PTPRD: variants seen among roughly 807,000 people sequenced by gnomAD.
PTPRD encodes protein tyrosine phosphatase receptor type D, also known as receptor-type tyrosine-protein phosphatase delta.
In PTPRD, 34 loss-of-function variants were observed where a neutral mutation model predicts 214.5. That is an observed-to-expected ratio of 0.16 (90% confidence interval 0.12 to 0.21). PTPRD has a LOEUF of 0.21. Ranked by LOEUF, PTPRD falls within the 10% of genes least tolerant of loss-of-function variation. The pLI, the probability that PTPRD is intolerant of heterozygous loss-of-function variation, is 1.00. For synonymous variants in PTPRD, 1,128 were observed against 845.7 expected (o/e 1.33, Z -5.79); for missense variants, 2,545 against 2,398.7 (o/e 1.06, Z -1.27).
chr9:10,183,873 A>G (rs180883886), intron 3 of PTPRD, among the ~76,000 whole-genome samples: 1 of 152,352 alleles, frequency 6.6e-6, no homozygotes, highest in Admixed American at 6.5e-5. Context: ...ACCACAAAGG[A>G]GAGATAACTA....
chr9:8,537,362 T>C (rs1452703686), intron 14 of PTPRD, among the ~76,000 whole-genome samples: 3 of 151,978 alleles, frequency 2.0e-5, no homozygotes, highest in South Asian at 4.1e-4. Flanking sequence ...TGACAGTTAA[T>C]ACATGACATT....
At chr9:8,506,277 G>A (rs1416830385) in intron 22 of PTPRD, among the ~76,000 whole-genome samples, 1 of 151,964 alleles carries the variant, frequency 6.6e-6, no homozygotes. Flanking sequence ...ATGCTAAGAG[G>A]CATAATAAAA....
chr9:10,350,048 A>G (rs925661576), intron 2 of PTPRD, among the ~76,000 whole-genome samples: 4 of 152,224 alleles, frequency 2.6e-5, no homozygotes, highest in African/African-American at 2.4e-5. Flanking sequence ...GGAGGACAAT[A>G]TAAGTTCACA....
intron 3 of PTPRD, among the ~76,000 whole-genome samples, chr9:10,183,011 T>A (rs902596444): frequency 2.0e-5 from 3 of 152,172 alleles, no homozygotes; most frequent in Admixed American, 6.6e-5. Context: ...AATCTCTTGC[T>A]GTCTACATTT....
chr9:9,129,141 G>C (rs978272086), intron 10 of PTPRD, among the ~76,000 whole-genome samples: 3 of 152,220 alleles, frequency 2.0e-5, no homozygotes, highest in Non-Finnish European at 2.9e-5. Flanking sequence ...TGTAATCCCA[G>C]CACTTTGGGA....
chr9:8,482,162 T>C (rs1387592361), intron 30 of PTPRD, among the ~76,000 whole-genome samples: 1 of 152,210 alleles, frequency 6.6e-6, no homozygotes, highest in Admixed American at 6.5e-5. Flanking sequence ...CACACAACGT[T>C]AAACTCATTT....
intron 3 of PTPRD, among the ~76,000 whole-genome samples, chr9:10,331,417 C>T (rs1324174842): frequency 6.6e-6 from 1 of 151,846 alleles, no homozygotes; most frequent in African/African-American, 2.4e-5. Flanking sequence ...TCTGAAAGCC[C>T]AGACACTGTG....
At position 10,550,425 on chromosome 9, in the gene PTPRD, A is replaced by G. The variant is rs1306130286; in HGVS notation, c.-600+61973T>C. On this transcript the variant is annotated intron_variant, in intron 2 of 45. Transcript: ENST00000381196. ...AGTTAGTCTAGGATTTAATTCCAGG[A>G]AACAGAAGTGAGGGAGTAGGGAAGG... 7.2e-5 allele frequency among the ~76,000 whole-genome samples: 11 copies of G among 152,188 alleles called. 1 individual carries two copies. The highest frequency in any genetic ancestry group is 2.4e-4 in the African/African-American group (10 of 41,442).
chr9:9,586,403 T>G (rs994242917), intron 7 of PTPRD, among the ~76,000 whole-genome samples: 1 of 152,020 alleles, frequency 6.6e-6, no homozygotes, highest in African/African-American at 2.4e-5. Flanking sequence ...TAGTCATAAG[T>G]ACGCAGTAAG....
At chr9:10,090,644 A>C (rs890401854) in intron 3 of PTPRD, among the ~76,000 whole-genome samples, 2 of 149,400 alleles carry the variant, frequency 1.3e-5, no homozygotes, top group Non-Finnish European at 3.0e-5. Context: ...AAAACCACCA[A>C]CTAAGAACCA....
chr9:8,732,472 T>A (rs2098670669), intron 12 of PTPRD, among the ~76,000 whole-genome samples: 2 of 152,148 alleles, frequency 1.3e-5, no homozygotes, highest in South Asian at 4.1e-4. Context: ...TAAATTTAGA[T>A]TACACCTTTA....
intron 9 of PTPRD, among the ~76,000 whole-genome samples, chr9:9,321,894 C>A (rs1210551742): frequency 6.6e-6 from 1 of 152,062 alleles, no homozygotes; most frequent in African/African-American, 2.4e-5. Flanking sequence ...TGGTAATAGA[C>A]CTAATTAACT....
intron 11 of PTPRD, among the ~76,000 whole-genome samples, chr9:9,007,407 A>T (rs957026215): frequency 4.6e-5 from 7 of 151,934 alleles, no homozygotes; most frequent in African/African-American, 7.2e-5. Flanking sequence ...ATAAAATCTA[A>T]GAGAAAAAAT....
intron 8 of PTPRD, among the ~76,000 whole-genome samples, chr9:9,534,338 C>T (rs1219354611): frequency 6.6e-6 from 1 of 152,044 alleles, no homozygotes; most frequent in African/African-American, 2.4e-5. Flanking sequence ...CAAAATTAGT[C>T]ATCCTCAATT....
In PTPRD at chr9:8,339,051, A is replaced by T; in HGVS notation, c.5254-4T>A. 1 of 1,609,930 alleles carries T rather than the reference A, an allele frequency of 6.2e-7. No individual in the cohort carries two copies. Among genetic ancestry groups the T allele is most frequent in the Non-Finnish European group, 8.5e-7 (1 of 1,177,296 alleles). On this transcript the variant is annotated splice_region_variant and splice_polypyrimidine_tract_variant and intron_variant, in intron 42 of 45. Transcript: ENST00000381196. Reference sequence around the variant, plus strand: ...GCCAGTATTGGTGACATTTCTCCTAAAAGGAGAGAAGATTAATGTTAAACT... The same window carrying T: ...GCCAGTATTGGTGACATTTCTCCTATAAGGAGAGAAGATTAATGTTAAACT...
At chr9:8,794,079 G>C (rs1599986762) in intron 11 of PTPRD, among the ~76,000 whole-genome samples, 2 of 152,286 alleles carry the variant, frequency 1.3e-5, no homozygotes, top group Admixed American at 6.5e-5. Flanking sequence ...GCAGCAGCCT[G>C]AATCAAAGAG....
intron 9 of PTPRD, among the ~76,000 whole-genome samples, chr9:9,353,120 C>G (rs1399076113): frequency 6.6e-6 from 1 of 151,930 alleles, no homozygotes; most frequent in Non-Finnish European, 1.5e-5. Context: ...GAAGTTCAGG[C>G]TCGGTCAAAA....
chr9:8,338,307 C>T (rs1316274979), intron 43 of PTPRD, among the ~76,000 whole-genome samples: 1 of 152,024 alleles, frequency 6.6e-6, no homozygotes, highest in African/African-American at 2.4e-5. Flanking sequence ...CAGGGCTGAA[C>T]CTTGGACTCA....
intron 2 of PTPRD, among the ~76,000 whole-genome samples, chr9:10,530,339 CTAAAATGATTATAATT>C (rs2055836854): frequency 6.6e-6 from 1 of 151,958 alleles, no homozygotes; most frequent in African/African-American, 2.4e-5. Context: ...GGAAAAAAAT[CTAAAATGATTATAATT>C]TACGAAAAAG....
Sources: allele counts gnomAD v4.1 joint callset (sites outside exome capture counted in the v4.1 genomes callset), GRCh38; gene constraint gnomAD v4.1.1; transcripts MANE v1.5; gene names NCBI Gene and HGNC (gene_info 2026-07-23, HGNC 2026-07-21).